PDIA6: variants seen among roughly 807,000 people sequenced by gnomAD.
PDIA6 encodes protein disulfide isomerase family A member 6.
In PDIA6, 29 loss-of-function variants were observed where a neutral mutation model predicts 58.4. The observed-to-expected ratio is 0.50, with a 90% CI of 0.37 to 0.68. The LOEUF is 0.68. Ranked by LOEUF, PDIA6 falls within the 30% of genes least tolerant of loss-of-function variation. The probability of loss-of-function intolerance (pLI) is 0.00; values close to 1 mark genes in which losing one functional copy is unlikely to be tolerated. For missense variants in PDIA6, 480 were observed against 551.0 expected, an observed-to-expected ratio of 0.87 and a Z score of 1.29; for synonymous variants, 192 against 202.6, an observed-to-expected ratio of 0.95 and a Z score of 0.44.
chr2:10,819,880 G>T (rs1667329355), intron 1 of PDIA6, among the ~76,000 whole-genome samples: 1 of 152,192 alleles, frequency 6.6e-6, no homozygotes, highest in Admixed American at 6.5e-5. Context: ...CCTCTGAGGT[G>T]CCCTCTCTTG....
intron 4 of PDIA6, among the ~76,000 whole-genome samples, chr2:10,793,568 C>T (rs766341352): frequency 5.9e-5 from 9 of 151,974 alleles, no homozygotes; most frequent in Non-Finnish European, 7.4e-5. Flanking sequence ...TTCACCATGT[C>T]GGCCAGGCTG....
chr2:10,795,634 T>C (rs1666235295), intron 4 of PDIA6, among the ~76,000 whole-genome samples: 1 of 152,242 alleles, frequency 6.6e-6, no homozygotes. Context: ...ATCCCCATTA[T>C]ACAGAGAAGC....
Position 10,791,956 on chromosome 2 carries a change from T to C in PDIA6, c.454-31A>G, listed in dbSNP as rs1734421. 879,877 of 1,600,942 alleles carry C rather than the reference T, an allele frequency of 0.55. 247,214 individuals are homozygous for C. Among genetic ancestry groups the C allele is most frequent in the Middle Eastern group, 0.59 (3,557 of 6,014 alleles). ...ATTTATGACATTAAACATCAAACAATTGGGCCAAGAAGAACACTTTTCCTG... is the reference window on the plus strand; with the variant it reads ...ATTTATGACATTAAACATCAAACAACTGGGCCAAGAAGAACACTTTTCCTG... On this transcript the variant is annotated intron_variant, in intron 5 of 12. Transcript: ENST00000272227.
upstream of PDIA6, among the ~76,000 whole-genome samples, chr2:10,836,892 G>A (rs1424573805): frequency 6.6e-6 from 1 of 152,246 alleles, no homozygotes; most frequent in Non-Finnish European, 1.5e-5. Context: ...TAGAACGTGG[G>A]GTCCCATGCC....
upstream of PDIA6, chr2:10,832,612 C>G (rs35191150): frequency 0.21 from 34,260 of 162,662 alleles, 3,995 homozygotes; most frequent in East Asian, 0.44. Context: ...ATGTGCTGTA[C>G]TTAGATACAA....
At chr2:10,837,676 C>G in exon 1 of PDIA6, 1 of 1,514,850 alleles carries the variant, frequency 6.6e-7, no homozygotes, top group Non-Finnish European at 8.8e-7. Context: ...GGTGGCAGAG[C>G]TGGGTCTCAA....
In PDIA6 at chr2:10,783,465, A is replaced by G; in HGVS notation, c.*793T>C. ...GTCCTTTGAATGTTCCAACAAATTC[A>G]AAACTTCATTTTCTGAATGTTTTAC... On this transcript the variant is annotated 3_prime_UTR_variant, in exon 13 of 13. Coordinates refer to ENST00000272227, the MANE Select transcript of PDIA6 (RefSeq NM_005742.4). 1 of 488,154 alleles carries G rather than the reference A, an allele frequency of 2.0e-6. No homozygotes were observed. Among genetic ancestry groups the G allele is most frequent in the South Asian group, 2.6e-5 (1 of 38,670 alleles). The allele number at this position is 488,154 out of a possible 1,614,324, so 30.2% of individuals were successfully genotyped here.
At chr2:10,818,338 AT>A (rs142810233) in intron 2 of PDIA6, among the ~76,000 whole-genome samples, 8 of 147,122 alleles carry the variant, frequency 5.4e-5, no homozygotes, top group Admixed American at 2.0e-4. Flanking sequence ...TAATTTCTGT[AT>A]TTTTTTTTTG....
At chr2:10,810,325 G>A in intron 1 of PDIA6, 1 of 1,529,152 alleles carries the variant, frequency 6.5e-7, no homozygotes, top group Non-Finnish European at 8.7e-7. Context: ...AGCATCATTA[G>A]GTAGACTGTG....
chr2:10,824,202 A>C (rs911111364), intron 1 of PDIA6, among the ~76,000 whole-genome samples: 5 of 150,958 alleles, frequency 3.3e-5, no homozygotes, highest in Non-Finnish European at 1.5e-5. Flanking sequence ...GGAGACACTC[A>C]CACCTCCAGT....
chr2:10,818,194 A>C (rs902461972), intron 2 of PDIA6, among the ~76,000 whole-genome samples: 7 of 151,338 alleles, frequency 4.6e-5, no homozygotes, highest in Non-Finnish European at 1.0e-4. Flanking sequence ...ACAGGGTCTC[A>C]CTCTGTCACC....
At chr2:10,818,671 C>T (rs1386352364) in intron 2 of PDIA6, among the ~76,000 whole-genome samples, 1 of 151,738 alleles carries the variant, frequency 6.6e-6, no homozygotes, top group African/African-American at 2.4e-5. Context: ...CAGTCTTATG[C>T]CACCATGCCT....
intron 1 of PDIA6, among the ~76,000 whole-genome samples, chr2:10,829,398 C>T (rs894883261): frequency 5.3e-5 from 8 of 152,186 alleles, no homozygotes; most frequent in Non-Finnish European, 2.9e-5. Flanking sequence ...CCTGCTTCTC[C>T]AGACTCTCAT....
intron 1 of PDIA6, among the ~76,000 whole-genome samples, chr2:10,830,308 G>T (rs1667674275): frequency 6.6e-6 from 1 of 152,254 alleles, no homozygotes; most frequent in Non-Finnish European, 1.5e-5. Context: ...ATATGCTGTG[G>T]ACCTCCGTGC....
chr2:10,836,718 C>G (rs529443769), upstream of PDIA6, among the ~76,000 whole-genome samples: 55 of 152,220 alleles, frequency 3.6e-4, 1 homozygote, highest in African/African-American at 1.3e-3. Context: ...CCTTCGCTTA[C>G]CCCTGGCAAC....
At chr2:10,792,475 C>T (rs928761184) in intron 5 of PDIA6, among the ~76,000 whole-genome samples, 1 of 152,202 alleles carries the variant, frequency 6.6e-6, no homozygotes, top group African/African-American at 2.4e-5. Flanking sequence ...AAATAAAAGG[C>T]AAGAGCATGA....
intron 2 of PDIA6, among the ~76,000 whole-genome samples, chr2:10,799,170 C>A (rs904548511): frequency 6.6e-6 from 1 of 151,282 alleles, no homozygotes; most frequent in Non-Finnish European, 1.5e-5. Flanking sequence ...TAGCCCTTAC[C>A]ACTCATTGAG....
chr2:10,799,368 C>T (rs764380626), intron 2 of PDIA6, among the ~76,000 whole-genome samples: 1 of 152,194 alleles, frequency 6.6e-6, no homozygotes, highest in African/African-American at 2.4e-5. Context: ...TTATAGATGA[C>T]TTCATTTAAT....
upstream of PDIA6, among the ~76,000 whole-genome samples, chr2:10,817,349 T>C (rs920250030): frequency 2.0e-5 from 3 of 152,208 alleles, no homozygotes; most frequent in Non-Finnish European, 4.4e-5. Flanking sequence ...CTGTGTCTAA[T>C]TAAGGGACTC....
Sources: gnomAD v4.1 joint callset for allele counts (sites outside exome capture counted in the v4.1 genomes callset) on GRCh38, gnomAD v4.1.1 for gene constraint, MANE v1.5 for transcripts, NCBI Gene and HGNC (gene_info 2026-07-23, HGNC 2026-07-21) for gene names.